HTT-AS: variants seen among roughly 807,000 people sequenced by gnomAD.
HTT-AS encodes the protein HTT antisense RNA (head to head).
At chr4:3,053,688 A>G (rs1244825219) in intron 2 of HTT-AS, among the ~76,000 whole-genome samples, 1 of 152,170 alleles carries the variant, frequency 6.6e-6, no homozygotes, top group African/African-American at 2.4e-5. Context: ...AAAAAGTTTT[A>G]AAGGTTACTG....
exon 2 of HTT-AS, among the ~76,000 whole-genome samples, chr4:3,063,021 T>C (rs559527099): frequency 6.6e-6 from 1 of 151,732 alleles, no homozygotes; most frequent in Admixed American, 6.6e-5. Flanking sequence ...AGGGGAGGGG[T>C]CCTCCCTGGG....
intron 2 of HTT-AS, among the ~76,000 whole-genome samples, chr4:3,054,377 C>A (rs1711768444): frequency 6.6e-6 from 1 of 151,522 alleles, no homozygotes; most frequent in South Asian, 2.1e-4. Flanking sequence ...AATTCATGCA[C>A]CAAAAGTAAA....
At chr4:3,048,691 C>A (rs1354948489), downstream of HTT-AS, among the ~76,000 whole-genome samples, 1 of 152,172 alleles carries the variant, frequency 6.6e-6, no homozygotes, top group East Asian at 1.9e-4. Flanking sequence ...TTAGTCAATT[C>A]TATTATTTAG....
intron 1 of HTT-AS, among the ~76,000 whole-genome samples, chr4:3,068,235 G>A (rs1162013950): frequency 1.3e-5 from 2 of 150,352 alleles, no homozygotes; most frequent in African/African-American, 4.9e-5. Flanking sequence ...GAACCCGGGA[G>A]GCGGAGCTTG....
intron 1 of HTT-AS, among the ~76,000 whole-genome samples, chr4:3,072,625 AC>A (rs1177304700): frequency 6.6e-6 from 1 of 152,082 alleles, no homozygotes; most frequent in East Asian, 1.9e-4. Flanking sequence ...AGAACTGGGA[AC>A]TTTATTTATT....
At chr4:3,065,940 A>AT (rs1712040399) in intron 1 of HTT-AS, among the ~76,000 whole-genome samples, 1 of 152,240 alleles carries the variant, frequency 6.6e-6, no homozygotes, top group Non-Finnish European at 1.5e-5. Flanking sequence ...GACCATCTTT[A>AT]TTTTCAGGAG....
chr4:3,055,225 G>A (rs1391851680), intron 2 of HTT-AS, among the ~76,000 whole-genome samples: 1 of 151,798 alleles, frequency 6.6e-6, no homozygotes, highest in African/African-American at 2.4e-5. Flanking sequence ...ATGAACCCAG[G>A]AGGCAGAGCT....
chr4:3,047,289 T>C (rs538875083), downstream of HTT-AS, among the ~76,000 whole-genome samples: 2 of 152,184 alleles, frequency 1.3e-5, no homozygotes, highest in East Asian at 1.9e-4. Flanking sequence ...CCAGCCTGGG[T>C]GACAGAGCGA....
chr4:3,047,236 G>A (rs1010171110), downstream of HTT-AS, among the ~76,000 whole-genome samples: 63 of 152,146 alleles, frequency 4.1e-4, no homozygotes, highest in African/African-American at 1.4e-3. Flanking sequence ...GCATGAACCC[G>A]GGAGGCGGAG....
At chr4:3,048,668 A>C (rs1711645783), downstream of HTT-AS, among the ~76,000 whole-genome samples, 1 of 152,222 alleles carries the variant, frequency 6.6e-6, no homozygotes. Context: ...CTGCACAGGT[A>C]CTACTTTTCT....
intron 1 of HTT-AS, among the ~76,000 whole-genome samples, chr4:3,069,306 T>C (rs7674896): frequency 0.093 from 13,905 of 148,956 alleles, 1,026 homozygotes; most frequent in African/African-American, 0.21. Flanking sequence ...CCACCACACC[T>C]GGCTAATTTT....
intron 1 of HTT-AS, among the ~76,000 whole-genome samples, chr4:3,070,476 A>T (rs1712146545): frequency 6.6e-6 from 1 of 151,966 alleles, no homozygotes. Context: ...TTTTTAGTTG[A>T]GAGAGGGTTT....
exon 2 of HTT-AS, chr4:3,063,493 T>A (rs1711983629): frequency 6.6e-6 from 1 of 152,262 alleles, no homozygotes; most frequent in Admixed American, 6.5e-5. Context: ...TGGCCAGGCA[T>A]GCAGAACATT....
intron 2 of HTT-AS, among the ~76,000 whole-genome samples, chr4:3,053,167 C>G (rs1711745349): frequency 6.6e-6 from 1 of 152,188 alleles, no homozygotes; most frequent in African/African-American, 2.4e-5. Flanking sequence ...AATGAAAAAT[C>G]TTACAACTAT....
chr4:3,061,684 GAA>G (rs71644374), intron 2 of HTT-AS, among the ~76,000 whole-genome samples: 2 of 110,908 alleles, frequency 1.8e-5, no homozygotes, highest in African/African-American at 3.5e-5. Flanking sequence ...CTCCATCTCA[GAA>G]AAAAAAAAAA....
chr4:3,052,291 G>A (rs760583874), intron 2 of HTT-AS, among the ~76,000 whole-genome samples: 6 of 152,142 alleles, frequency 3.9e-5, no homozygotes, highest in Middle Eastern at 3.4e-3. Flanking sequence ...CAGGAATATT[G>A]GCTGTTTGGC....
At chr4:3,055,797 C>T (rs746142093) in intron 2 of HTT-AS, among the ~76,000 whole-genome samples, 1 of 152,186 alleles carries the variant, frequency 6.6e-6, no homozygotes, top group Admixed American at 6.5e-5. Context: ...AGAACACAAA[C>T]ATCCCCACGA....
intron 1 of HTT-AS, among the ~76,000 whole-genome samples, chr4:3,072,415 C>G (rs780497984): frequency 1.3e-5 from 2 of 152,218 alleles, no homozygotes; most frequent in Admixed American, 1.3e-4. Flanking sequence ...GCGACCTAGT[C>G]ATGGGGTGAC....
chr4:3,048,900 G>A (rs1392180192), downstream of HTT-AS, among the ~76,000 whole-genome samples: 2 of 152,198 alleles, frequency 1.3e-5, no homozygotes, highest in Non-Finnish European at 2.9e-5. Flanking sequence ...GTTAAGAGGA[G>A]TGAACCGATA....
Sources: gnomAD v4.1 joint callset for allele counts (sites outside exome capture counted in the v4.1 genomes callset) on GRCh38, gnomAD v4.1.1 for gene constraint, MANE v1.5 for transcripts, NCBI Gene and HGNC (gene_info 2026-07-23, HGNC 2026-07-21) for gene names.